The following FKBP5 variants were observed in gnomAD, a reference collection of about 807,000 sequenced individuals.
FKBP5 encodes FKBP prolyl isomerase 5.
A neutral mutation model predicts 50.5 loss-of-function variants in FKBP5; 23 were observed. That is an observed-to-expected ratio of 0.46 (90% CI 0.33 to 0.65). FKBP5 has a LOEUF of 0.65. Among genes scored for constraint, FKBP5 ranks in the 30% least tolerant of loss-of-function variants. FKBP5 has a pLI of 0.02. For synonymous variants in FKBP5, 176 were observed against 190.6 expected, an observed-to-expected ratio of 0.92 and a Z score of 0.63; for missense variants, 411 against 553.1, an observed-to-expected ratio of 0.74 and a Z score of 2.58.
At chr6:35,610,977 T>C (rs1338795852) in intron 5 of FKBP5, among the ~76,000 whole-genome samples, 1 of 152,180 alleles carries the variant, frequency 6.6e-6, no homozygotes, top group Non-Finnish European at 1.5e-5. Flanking sequence ...TTCCATCTTG[T>C]TTTATAACAA....
intron 6 of FKBP5, among the ~76,000 whole-genome samples, chr6:35,596,892 T>C (rs989849239): frequency 2.0e-5 from 3 of 152,118 alleles, no homozygotes; most frequent in Non-Finnish European, 2.9e-5. Flanking sequence ...CCAACCCCCA[T>C]GTTTTCCTGC....
At chr6:35,688,179 G>A (rs748403861) in intron 1 of FKBP5, among the ~76,000 whole-genome samples, 1 of 152,244 alleles carries the variant, frequency 6.6e-6, no homozygotes, top group Non-Finnish European at 1.5e-5. Flanking sequence ...GGCGGCAGGT[G>A]AAGGCGGGGA....
At chr6:35,597,088 T>C (rs1018165483) in intron 6 of FKBP5, among the ~76,000 whole-genome samples, 160 bp downstream of exon 6, 3 of 152,222 alleles carry the variant, frequency 2.0e-5, no homozygotes, top group African/African-American at 7.2e-5. Context: ...TATGATATTG[T>C]AAGGCCCATT....
At chr6:35,651,837 G>A (rs1469192479) in intron 1 of FKBP5, 2 of 777,284 alleles carry the variant, frequency 2.6e-6, no homozygotes, top group African/African-American at 3.7e-5. Flanking sequence ...CACTGTTTTT[G>A]TTTAACTTGT....
rs375438164 is a variant in FKBP5, at chr6:35,637,805, CG to C, written c.106-648del. Among the ~76,000 whole-genome samples, 19 of 152,226 alleles carry C rather than the reference CG, an allele frequency of 1.2e-4. No homozygotes were observed. In the East Asian group the frequency reaches 3.7e-3, roughly 29 times the overall value. ...GCTTGTGAGCTAGTCCATATACACA[CG>C]GACTTAGACCAGAAAGAATGGTGGA... On this transcript the variant is annotated intron_variant, in intron 2 of 10. Coordinates refer to ENST00000357266, the MANE Select transcript of FKBP5 (RefSeq NM_004117.4).
At position 35,705,213 on chromosome 6, in the gene FKBP5, AATATATATATATATATAT is replaced by A. The variant is rs869253345; in HGVS notation, c.-20+15097_-20+15114del. Among the ~76,000 whole-genome samples the A allele has an allele frequency of 8.1e-3, 574 of 71,298 alleles. 5 individuals are homozygous for A. The highest frequency in any genetic ancestry group is 0.027 in the South Asian group (51 of 1,866). The allele number at this position is 71,298 out of a possible 152,430, so 46.8% of individuals were successfully genotyped here. A position where few individuals can be genotyped will look rare whatever the true frequency, so the allele number is the denominator to read the frequency against. On this transcript the variant is annotated intron_variant, in intron 2 of 11. Coordinates refer to the FKBP5 transcript ENST00000536438. ...AAATGCAAATATATATATATGTACA[AATATATATATATATATAT>A]ATATATATATATATATATATATATA...
chr6:35,652,891 C>T (rs1764848538), intron 1 of FKBP5, among the ~76,000 whole-genome samples: 1 of 152,136 alleles, frequency 6.6e-6, no homozygotes, highest in Non-Finnish European at 1.5e-5. Context: ...GATGTCTCCC[C>T]CGGACGCCCA....
Position 35,603,261 on chromosome 6 carries a change from G to A in FKBP5, c.509-5857C>T, listed in dbSNP as rs115261363. On this transcript the variant is annotated intron_variant, in intron 5 of 10. Coordinates refer to ENST00000357266, the MANE Select transcript of FKBP5 (RefSeq NM_004117.4). ...GAATGTTAGCTATAATTATTTTCCT[G>A]TGCCTAGTGGTAAATTATACCAGAT... Among the ~76,000 whole-genome samples, 637 of 152,280 alleles carry A rather than the reference G, an allele frequency of 4.2e-3. 4 individuals are homozygous for A. Among genetic ancestry groups the A allele is most frequent in the African/African-American group, 0.014 (587 of 41,544 alleles).
At chr6:35,600,084 T>C (rs1227072883) in intron 5 of FKBP5, among the ~76,000 whole-genome samples, 1 of 152,204 alleles carries the variant, frequency 6.6e-6, no homozygotes, top group Non-Finnish European at 1.5e-5. Context: ...TAGGCAACTG[T>C]AACACAATGG....
intron 9 of FKBP5, among the ~76,000 whole-genome samples, chr6:35,577,703 A>G (rs962408010): frequency 2.0e-5 from 3 of 152,240 alleles, no homozygotes; most frequent in African/African-American, 7.2e-5. Context: ...GGTAATGTGA[A>G]TCAGTGGAGA....
intron 1 of FKBP5, among the ~76,000 whole-genome samples, chr6:35,649,281 T>C (rs1473613348): frequency 6.8e-6 from 1 of 147,098 alleles, no homozygotes; most frequent in African/African-American, 2.5e-5. Flanking sequence ...AATTTAGTAA[T>C]AATGTTTTTT....
intron 5 of FKBP5, among the ~76,000 whole-genome samples, chr6:35,611,278 C>A (rs187455434): frequency 1.4e-3 from 218 of 152,284 alleles, no homozygotes; most frequent in African/African-American, 4.8e-3. Flanking sequence ...CTCCATCTAT[C>A]ATTTCAGTGA....
intron 1 of FKBP5, chr6:35,651,738 A>C (rs1337750838): frequency 1.8e-5 from 3 of 163,220 alleles, no homozygotes; most frequent in African/African-American, 7.2e-5. Flanking sequence ...CCACAAGTGA[A>C]AAACTCCACA....
At chr6:35,693,298 G>C (rs9380527), upstream of FKBP5, among the ~76,000 whole-genome samples, 1 of 150,566 alleles carries the variant, frequency 6.6e-6, no homozygotes, top group African/African-American at 2.4e-5. Context: ...AAGTAGCTGA[G>C]ACTACAGGTG....
At chr6:35,678,278 CAG>C (rs1302570687) in intron 1 of FKBP5, among the ~76,000 whole-genome samples, 2 of 151,964 alleles carry the variant, frequency 1.3e-5, no homozygotes, top group South Asian at 4.2e-4. Flanking sequence ...ACAGCTGCTA[CAG>C]AGATGGTATT....
intron 3 of FKBP5, among the ~76,000 whole-genome samples, chr6:35,632,480 GT>G (rs1764190224): frequency 6.6e-6 from 1 of 151,952 alleles, no homozygotes; most frequent in Non-Finnish European, 1.5e-5. Flanking sequence ...AGGCGATGGT[GT>G]ACATTATCTT....
chr6:35,594,389 A>G (rs530452340), intron 6 of FKBP5, among the ~76,000 whole-genome samples: 5 of 152,260 alleles, frequency 3.3e-5, no homozygotes, highest in African/African-American at 1.2e-4. Flanking sequence ...CCGAGAGTCT[A>G]TCAGAGTATC....
At chr6:35,581,762 G>C in intron 8 of FKBP5, 1 of 985,500 alleles carries the variant, frequency 1.0e-6, no homozygotes, top group Non-Finnish European at 1.2e-6. Flanking sequence ...CAAAACCACA[G>C]ATGATACATC....
intron 3 of FKBP5, among the ~76,000 whole-genome samples, chr6:35,628,449 A>G (rs1272318026): frequency 1.3e-5 from 2 of 152,224 alleles, no homozygotes; most frequent in East Asian, 1.9e-4. Flanking sequence ...CTTTCAAAAT[A>G]TAAAAGCTGA....
Sources: gnomAD v4.1 joint callset for allele counts (sites outside exome capture counted in the v4.1 genomes callset) on GRCh38, gnomAD v4.1.1 for gene constraint, MANE v1.5 for transcripts, NCBI Gene and HGNC (gene_info 2026-07-23, HGNC 2026-07-21) for gene names.